XG: variants seen among roughly 807,000 people sequenced by gnomAD.
XG encodes the protein Xg glycoprotein (Xg blood group), also known as glycoprotein Xg.
A neutral mutation model predicts 25.7 loss-of-function variants in XG; 24 were observed. The ratio of observed to expected loss-of-function variants is 0.93; its 90% CI spans 0.68 to 1.31. The LOEUF (loss-of-function observed/expected upper bound fraction) is 1.31, where lower values mean the gene tolerates loss of function less well. Ranked by LOEUF, XG falls within the 40% of genes most tolerant of loss-of-function variation. The probability of loss-of-function intolerance (pLI) is 0.00; values close to 1 mark genes in which losing one functional copy is unlikely to be tolerated. For missense variants in XG, 181 were observed against 187.6 expected (o/e 0.96, Z 0.21); for synonymous variants, 77 against 69.2 (o/e 1.11, Z -0.56).
chrX:2,763,936 G>T (rs2050620789), intron 1 of XG, among the ~76,000 whole-genome samples: 1 of 152,184 alleles, frequency 6.6e-6, no homozygotes. Flanking sequence ...TTGAGTAGGG[G>T]CTGTGTAAAA....
intron 5 of XG, among the ~76,000 whole-genome samples, chrX:2,793,667 G>A (rs1468078322): frequency 1.8e-5 from 2 of 111,664 alleles, no homozygotes; most frequent in Non-Finnish European, 3.8e-5. Flanking sequence ...AAACAAATCT[G>A]TTGGGGTGGG....
At chrX:2,767,331 G>A (rs1470435307) in intron 1 of XG, among the ~76,000 whole-genome samples, 1 of 151,984 alleles carries the variant, frequency 6.6e-6, no homozygotes, top group Admixed American at 6.6e-5. Flanking sequence ...GTAACGCTCG[G>A]CCCACCCATC....
chrX:2,765,113 C>T (rs2050650808), intron 1 of XG, among the ~76,000 whole-genome samples: 1 of 147,718 alleles, frequency 6.8e-6, no homozygotes, highest in Non-Finnish European at 1.5e-5. Flanking sequence ...TTTGGGAGGC[C>T]AAGGTGGGTG....
At position 2,794,563 on chromosome X, in the gene XG, C is replaced by T. The variant is rs747713185; in HGVS notation, c.282C>T (p.Asp94=). Residue 94 remains aspartate (D), a synonymous_variant, in exon 6 of 11, where the codon GAC becomes GAT. Transcript: ENST00000644266. ...GGYFNDVDRD[D]GRYPPRPRPR... ...ACTTCAATGATGTGGACCGTGATGA[C>T]GGACGCTACCCGCCCAGGCCCAGGC... 1.6e-5 allele frequency: 19 copies of T among 1,210,219 alleles called. No homozygotes were observed. The highest frequency in any genetic ancestry group is 4.6e-4 in the Middle Eastern group (2 of 4,373).
intron 7 of XG, among the ~76,000 whole-genome samples, chrX:2,805,014 C>T (rs759543505): frequency 9.8e-5 from 11 of 112,522 alleles, no homozygotes; most frequent in African/African-American, 2.3e-4. Flanking sequence ...TCTCCAGCCC[C>T]GGCAGAGCGA....
At chrX:2,756,828 A>G (rs1037751191) in intron 1 of XG, among the ~76,000 whole-genome samples, 6 of 152,066 alleles carry the variant, frequency 3.9e-5, no homozygotes, top group Non-Finnish European at 7.4e-5. Context: ...AGTGTTTTTG[A>G]GCTCTGGGCC....
intron 1 of XG, among the ~76,000 whole-genome samples, chrX:2,754,464 A>G (rs311111): frequency 6.6e-6 from 1 of 151,928 alleles, no homozygotes; most frequent in African/African-American, 2.4e-5. Flanking sequence ...AACTTAGTTG[A>G]TTGTCCCTCA....
chrX:2,788,921 A>C (rs1473483008), intron 4 of XG, among the ~76,000 whole-genome samples: 1 of 111,229 alleles, frequency 9.0e-6, no homozygotes. Flanking sequence ...GTCATTGCAA[A>C]AAGTTTTAAG....
intron 5 of XG, 87 bp from the exon 6 acceptor site, chrX:2,794,448 C>A: frequency 2.9e-6 from 3 of 1,028,637 alleles, no homozygotes; most frequent in Non-Finnish European, 3.9e-6. Flanking sequence ...TTCTCCAAAA[C>A]CTGTGCCAGT....
chrX:2,760,287 G>C (rs2050534764), intron 1 of XG, among the ~76,000 whole-genome samples: 1 of 152,120 alleles, frequency 6.6e-6, no homozygotes, highest in Admixed American at 6.5e-5. Flanking sequence ...TATCTCCACT[G>C]AACCAGGCTG....
chrX:2,768,297 G>A (rs1407381963), intron 1 of XG, among the ~76,000 whole-genome samples: 1 of 152,184 alleles, frequency 6.6e-6, no homozygotes, highest in Non-Finnish European at 1.5e-5. Context: ...AACACAGATT[G>A]GAATGTAAAT....
intron 7 of XG, among the ~76,000 whole-genome samples, chrX:2,798,163 T>C (rs1360951593): frequency 8.9e-6 from 1 of 111,826 alleles, no homozygotes; most frequent in African/African-American, 3.2e-5. Context: ...CTTGGCTTGG[T>C]TGAGTTTTTC....
chrX:2,757,522 T>A (rs1042664493), intron 1 of XG, among the ~76,000 whole-genome samples: 5 of 152,082 alleles, frequency 3.3e-5, no homozygotes, highest in Non-Finnish European at 5.9e-5. Flanking sequence ...AAAAGACTTA[T>A]GAAAAAGATC....
At position 2,814,455 on chromosome X, in the gene XG, T is replaced by A; in HGVS notation, c.*75T>A. On this transcript the variant is annotated 3_prime_UTR_variant, in exon 11 of 11. Transcript: ENST00000644266. ...CCGTGTTTATCACTGTTGTGGAGAT[T>A]TCCTTTTATTCTTGACACAATTTGA... The A allele has an allele frequency of 1.8e-6, 2 of 1,123,088 alleles. No homozygotes were observed. Among genetic ancestry groups the A allele is most frequent in the Non-Finnish European group, 2.4e-6 (2 of 834,474 alleles). 92.6% of individuals were successfully genotyped at this position (1,123,088 alleles called of 1,213,427 possible).
At chrX:2,783,740 C>T (rs943017012) in intron 4 of XG, among the ~76,000 whole-genome samples, 3 of 112,793 alleles carry the variant, frequency 2.7e-5, no homozygotes, top group African/African-American at 6.4e-5. Flanking sequence ...TTTGGGAGGC[C>T]GAGGCGGGCA....
At position 2,762,850 on chromosome X, in the gene XG, A is replaced by G. The variant is rs1328257625; in HGVS notation, c.62-7700A>G. Among the ~76,000 whole-genome samples the G allele has an allele frequency of 5.9e-5, 9 of 152,288 alleles. No individual in the cohort carries two copies. The East Asian group carries it at 1.7e-3, about 29-fold the overall frequency. On this transcript the variant is annotated intron_variant, in intron 1 of 10. Coordinates refer to ENST00000644266, the MANE Select transcript of XG (RefSeq NM_001141919.2). The stretch of plus-strand genomic sequence containing the variant: ...GGGCCTGCCAGGCACTCTCCCTAGC[A>G]TGGAAATAAAGGAAAACCTTGAGTT...
At chrX:2,782,406 A>G (rs1424542574) in intron 4 of XG, among the ~76,000 whole-genome samples, 4 of 112,039 alleles carry the variant, frequency 3.6e-5, no homozygotes, top group Non-Finnish European at 7.5e-5. Context: ...CTGATTTATC[A>G]AGATAGGGGA....
intron 4 of XG, among the ~76,000 whole-genome samples, chrX:2,787,639 G>T (rs755959931): frequency 1.8e-5 from 2 of 111,423 alleles, no homozygotes; most frequent in South Asian, 7.7e-4. Context: ...GGGCGTGGTG[G>T]CTCATGCCTG....
At chrX:2,803,009 G>A (rs779175344) in intron 7 of XG, among the ~76,000 whole-genome samples, 19 of 111,234 alleles carry the variant, frequency 1.7e-4, no homozygotes, top group African/African-American at 4.9e-4. Context: ...CGATGCAGTC[G>A]GTTAGGTCAG....
Sources: allele counts gnomAD v4.1 joint callset (sites outside exome capture counted in the v4.1 genomes callset), GRCh38; gene constraint gnomAD v4.1.1; transcripts MANE v1.5; gene names NCBI Gene and HGNC (gene_info 2026-07-23, HGNC 2026-07-21).